HDAC9: variants seen among roughly 807,000 people sequenced by gnomAD.
HDAC9 encodes histone deacetylase 9, also known as MEF-2 interacting transcription repressor (MITR) protein.
HDAC9 carries 41 observed loss-of-function variants against 139.4 expected under a neutral mutation model. The observed-to-expected ratio is 0.29, with a 90% confidence interval of 0.23 to 0.38. The LOEUF (loss-of-function observed/expected upper bound fraction) is 0.38. HDAC9 is among the 10% of genes least tolerant of loss of function. The pLI, the probability that HDAC9 is intolerant of heterozygous loss-of-function variation, is 1.00. For synonymous variants in HDAC9, 517 were observed against 476.2 expected (o/e 1.09, Z -1.12); for missense variants, 1,147 against 1,297.0 (o/e 0.88, Z 1.78).
chr7:18,361,709 C>T (rs1358130199), intron 1 of HDAC9, among the ~76,000 whole-genome samples: 2 of 151,836 alleles, frequency 1.3e-5, no homozygotes, highest in African/African-American at 4.8e-5. Context: ...AGGAAAAGAC[C>T]TTAACTTTAA....
chr7:18,200,718 T>C (rs941251691), intron 2 of HDAC9, among the ~76,000 whole-genome samples: 3 of 152,206 alleles, frequency 2.0e-5, no homozygotes, highest in Non-Finnish European at 2.9e-5. Context: ...AAAGAGAAGC[T>C]ACTTTTCCTT....
chr7:18,454,941 A>G (rs1477167565), intron 1 of HDAC9, among the ~76,000 whole-genome samples: 2 of 152,118 alleles, frequency 1.3e-5, no homozygotes, highest in Non-Finnish European at 2.9e-5. Context: ...CTAAAAATGG[A>G]GGAGGATGGC....
intron 2 of HDAC9, among the ~76,000 whole-genome samples, chr7:18,538,570 G>A (rs1811657176): frequency 6.6e-6 from 1 of 152,206 alleles, no homozygotes; most frequent in Non-Finnish European, 1.5e-5. Flanking sequence ...CCCTTGTGAA[G>A]TCAGGATGGT....
intron 1 of HDAC9, among the ~76,000 whole-genome samples, chr7:18,469,696 C>G (rs1794580663): frequency 6.6e-6 from 1 of 152,142 alleles, no homozygotes; most frequent in South Asian, 2.1e-4. Flanking sequence ...TGAGTCCCTA[C>G]TAAGTAGCAG....
At position 18,778,445 on chromosome 7, in the gene HDAC9, C is replaced by G. The variant is rs1449311806; in HGVS notation, c.2214+11290C>G. Among the ~76,000 whole-genome samples, 5 of 152,124 alleles carry G rather than the reference C, an allele frequency of 3.3e-5. No individual in the cohort carries two copies. The East Asian group carries it at 7.8e-4, about 24-fold the overall frequency. On this transcript the variant is annotated intron_variant, in intron 16 of 25. Transcript: ENST00000686413. ...TCAGAGTTAATTTTATTAAGCTACA[C>G]TCTGTAGGAATGAGGCTCTAATGTG... is the stretch of plus-strand genomic sequence containing the variant.
chr7:18,254,635 A>G (rs1169571362), intron 2 of HDAC9, among the ~76,000 whole-genome samples: 2 of 152,214 alleles, frequency 1.3e-5, no homozygotes, highest in Admixed American at 6.5e-5. Context: ...TATGTAGCTG[A>G]GTAATTGTTC....
intron 16 of HDAC9, among the ~76,000 whole-genome samples, chr7:18,782,507 T>G (rs1348495513): frequency 6.6e-6 from 1 of 152,100 alleles, no homozygotes; most frequent in African/African-American, 2.4e-5. Context: ...GATTGAGCTA[T>G]GCTGGATGTG....
chr7:18,813,706 T>G (rs945965115), intron 17 of HDAC9, among the ~76,000 whole-genome samples: 3 of 152,206 alleles, frequency 2.0e-5, no homozygotes, highest in Non-Finnish European at 4.4e-5. Context: ...TCTTGCCTCC[T>G]GTTGTACCAG....
chr7:18,691,140 A>T (rs1370699427), intron 12 of HDAC9, among the ~76,000 whole-genome samples: 2 of 152,062 alleles, frequency 1.3e-5, no homozygotes, highest in African/African-American at 4.8e-5. Context: ...CATCTAATTA[A>T]TGATGAAGAA....
intron 14 of HDAC9, among the ~76,000 whole-genome samples, chr7:18,752,992 C>G (rs1220199010): frequency 6.6e-6 from 1 of 151,894 alleles, no homozygotes; most frequent in African/African-American, 2.4e-5. Context: ...CTGGGTGATT[C>G]TGGTACTTTT....
intron 2 of HDAC9, among the ~76,000 whole-genome samples, chr7:18,516,752 T>C (rs968886203): frequency 8.9e-4 from 135 of 151,604 alleles, no homozygotes; most frequent in African/African-American, 3.2e-3. Context: ...TCCCAGCTAC[T>C]TGGGAGGCTG....
intron 1 of HDAC9, among the ~76,000 whole-genome samples, chr7:18,428,082 G>A (rs1023625952): frequency 6.6e-6 from 1 of 152,042 alleles, no homozygotes; most frequent in African/African-American, 2.4e-5. Context: ...TTTTAAGGCT[G>A]AATAATATTC....
chr7:18,348,756 T>G (rs917706740), intron 1 of HDAC9, among the ~76,000 whole-genome samples: 5 of 152,174 alleles, frequency 3.3e-5, no homozygotes, highest in Non-Finnish European at 5.9e-5. Flanking sequence ...TATTTCCTAC[T>G]TAAACTCACA....
At chr7:18,852,196 A>C (rs1001750039) in intron 21 of HDAC9, among the ~76,000 whole-genome samples, 1 of 152,214 alleles carries the variant, frequency 6.6e-6, no homozygotes, top group African/African-American at 2.4e-5. Context: ...GTGGAGAAAA[A>C]TGCAGAAGCA....
intron 2 of HDAC9, among the ~76,000 whole-genome samples, chr7:18,570,363 C>G (rs1823870195): frequency 6.6e-6 from 1 of 151,902 alleles, no homozygotes; most frequent in South Asian, 2.1e-4. Flanking sequence ...ACAAGTGTGT[C>G]AAAATATGAA....
intron 1 of HDAC9, among the ~76,000 whole-genome samples, chr7:18,351,703 A>C (rs984618972): frequency 6.6e-6 from 1 of 152,238 alleles, no homozygotes. Context: ...TAGTAAAACT[A>C]TCTGTTGCAT....
At chr7:18,382,313 A>G (rs1415230933) in intron 1 of HDAC9, among the ~76,000 whole-genome samples, 1 of 152,198 alleles carries the variant, frequency 6.6e-6, no homozygotes, top group Non-Finnish European at 1.5e-5. Context: ...TTTTAGTAAA[A>G]AATAAGGGAA....
At position 19,002,385 on chromosome 7, in the gene HDAC9, C is replaced by A. The variant is rs1342152132; in HGVS notation, c.*6323C>A. The A allele has an allele frequency of 6.6e-6, 1 of 151,922 alleles. No homozygotes were observed. Among genetic ancestry groups the A allele is most frequent in the African/African-American group, 2.4e-5 (1 of 41,390 alleles). The allele number at this position is 151,922 out of a possible 1,614,324, so 9.4% of individuals were successfully genotyped here. ...CTACTGAATTAGATTTTCCTCTAGTCCTATGTGAATAAAAAGCTATTTGAA... is the reference window on the plus strand; with the variant it reads ...CTACTGAATTAGATTTTCCTCTAGTACTATGTGAATAAAAAGCTATTTGAA... On this transcript the variant is annotated 3_prime_UTR_variant, in exon 26 of 26. Coordinates refer to ENST00000686413, the MANE Select transcript of HDAC9 (RefSeq NM_178425.4).
chr7:18,244,371 A>T (rs1033730996), intron 2 of HDAC9, among the ~76,000 whole-genome samples: 1 of 152,236 alleles, frequency 6.6e-6, no homozygotes, highest in African/African-American at 2.4e-5. Context: ...ATGCAAACAG[A>T]TTTCCATTCA....
Sources: gnomAD v4.1 joint callset for allele counts (sites outside exome capture counted in the v4.1 genomes callset) on GRCh38, gnomAD v4.1.1 for gene constraint, MANE v1.5 for transcripts, NCBI Gene and HGNC (gene_info 2026-07-23, HGNC 2026-07-21) for gene names.